Variants in MYO5A observed in about 807,000 individuals in gnomAD.
The protein encoded by MYO5A is myosin VA, also known as unconventional myosin-Va.
A neutral mutation model predicts 249.7 loss-of-function variants in MYO5A; 98 were observed. That is an observed-to-expected ratio of 0.39 (90% CI 0.33 to 0.46). MYO5A has a LOEUF of 0.46. Among genes scored for constraint, MYO5A ranks in the 20% least tolerant of loss-of-function variants. MYO5A has a pLI of 0.98. For missense variants in MYO5A, 1,696 were observed against 2,308.8 expected, an observed-to-expected ratio of 0.73 and a Z score of 5.44; for synonymous variants, 778 against 810.6, an observed-to-expected ratio of 0.96 and a Z score of 0.68.
At position 52,497,931 on chromosome 15, in the gene MYO5A, C is replaced by G. The variant is rs1231527931; in HGVS notation, c.27+30849G>C. On this transcript the variant is annotated intron_variant, in intron 1 of 41. Transcript: ENST00000399233. ...TAATAAAAATTCAACATATCAAAAC[C>G]TGAGGAATATAGCCAAAGTGTTGCT... 2.0e-5 allele frequency among the ~76,000 whole-genome samples: 3 copies of G among 151,440 alleles called. No individual in the cohort carries two copies. In the East Asian group the frequency reaches 5.8e-4, roughly 29 times the overall value.
intron 40 of MYO5A, among the ~76,000 whole-genome samples, chr15:52,316,195 C>T (rs892122431): frequency 7.7e-6 from 1 of 130,004 alleles, no homozygotes. Flanking sequence ...GATCATACCA[C>T]TGCACTCCAA....
chr15:52,431,030 G>C (rs1348325588), intron 2 of MYO5A, among the ~76,000 whole-genome samples: 2 of 150,420 alleles, frequency 1.3e-5, no homozygotes, highest in Admixed American at 6.6e-5. Context: ...TTGGGAGTTT[G>C]AGACCCGCCT....
chr15:52,353,791 C>A (rs940793373), intron 26 of MYO5A, 80 bp downstream of exon 26: 1 of 1,607,028 alleles, frequency 6.2e-7, no homozygotes, highest in African/African-American at 1.3e-5. Context: ...ATAGGCTGGG[C>A]TGAGTCTCCA....
rs2141235104 is a variant in MYO5A, at chr15:52,410,326, A to G, written c.756+7T>C. 1 of 1,612,976 alleles carries G rather than the reference A, an allele frequency of 6.2e-7. No individual in the cohort carries two copies. Among genetic ancestry groups the G allele is most frequent in the Non-Finnish European group, 8.5e-7 (1 of 1,179,188 alleles). The stretch of plus-strand genomic sequence containing the variant: ...CACAAGTGCATATGTGTATATGGCC[A>G]GCTTACCTGGAATACCACTCTGGAT... On this transcript the variant is annotated splice_region_variant and intron_variant, in intron 6 of 41. Coordinates refer to ENST00000399233, the MANE Select transcript of MYO5A (RefSeq NM_001382347.1).
intron 34 of MYO5A, among the ~76,000 whole-genome samples, chr15:52,331,165 T>C (rs1204147441): frequency 1.3e-5 from 2 of 152,224 alleles, no homozygotes; most frequent in Admixed American, 6.5e-5. Flanking sequence ...ACTATCTCTA[T>C]GTAGTATGAT....
chr15:52,415,685 C>T (rs2043449073), intron 5 of MYO5A, among the ~76,000 whole-genome samples: 1 of 152,100 alleles, frequency 6.6e-6, no homozygotes, highest in Non-Finnish European at 1.5e-5. Context: ...GGACTAAGTA[C>T]AGAAAATGAA....
intron 1 of MYO5A, among the ~76,000 whole-genome samples, chr15:52,494,307 G>A (rs1173533447): frequency 6.6e-6 from 1 of 152,048 alleles, no homozygotes; most frequent in Non-Finnish European, 1.5e-5. Context: ...TTCTGGCTGG[G>A]GACCAGAACA....
intron 1 of MYO5A, among the ~76,000 whole-genome samples, chr15:52,468,487 G>A (rs922867090): frequency 4.6e-5 from 7 of 151,856 alleles, no homozygotes; most frequent in South Asian, 2.1e-4. Flanking sequence ...GTGAGACCCC[G>A]TCTCTACAAA....
chr15:52,508,834 T>C (rs981889699), intron 1 of MYO5A, among the ~76,000 whole-genome samples: 1 of 152,220 alleles, frequency 6.6e-6, no homozygotes, highest in African/African-American at 2.4e-5. Flanking sequence ...ATACATAAGA[T>C]CCTTGCATAT....
At chr15:52,351,183 T>G in intron 28 of MYO5A, 71 bp downstream of exon 28, 1 of 1,170,814 alleles carries the variant, frequency 8.5e-7, no homozygotes, top group East Asian at 2.4e-5. Context: ...CATTATAAAC[T>G]GGAGGGAAGG....
At chr15:52,483,012 G>A (rs2076746179) in intron 1 of MYO5A, among the ~76,000 whole-genome samples, 1 of 152,318 alleles carries the variant, frequency 6.6e-6, no homozygotes, top group South Asian at 2.1e-4. Context: ...GAAGAGCTAA[G>A]TCACATAGAG....
chr15:52,493,881 T>C (rs987906469), intron 1 of MYO5A, among the ~76,000 whole-genome samples: 1 of 152,148 alleles, frequency 6.6e-6, no homozygotes, highest in African/African-American at 2.4e-5. Context: ...TATCTGAAAC[T>C]ATAATCTGTA....
At chr15:52,460,685 A>G (rs1384020986) in intron 1 of MYO5A, among the ~76,000 whole-genome samples, 1 of 146,622 alleles carries the variant, frequency 6.8e-6, no homozygotes, top group Non-Finnish European at 1.5e-5. Context: ...GCGAGGCTCC[A>G]GAAATTTTTT....
intron 1 of MYO5A, among the ~76,000 whole-genome samples, chr15:52,525,039 C>T (rs1222795065): frequency 6.6e-6 from 1 of 152,006 alleles, no homozygotes; most frequent in African/African-American, 2.4e-5. Context: ...ATTGATAAAC[C>T]CTACTCCACA....
intron 40 of MYO5A, among the ~76,000 whole-genome samples, chr15:52,316,253 A>G (rs1010604867): frequency 1.3e-5 from 2 of 151,328 alleles, no homozygotes; most frequent in Non-Finnish European, 2.9e-5. Context: ...AAAAAAAAAA[A>G]AAAAAGAAAG....
At position 52,390,568 on chromosome 15, in the gene MYO5A, T is replaced by C. The variant is rs1046135215; in HGVS notation, c.1543-1205A>G. On this transcript the variant is annotated intron_variant, in intron 12 of 41. Coordinates refer to ENST00000399233, the MANE Select transcript of MYO5A (RefSeq NM_001382347.1). ...CCTCTCTTTTTTTTTTTCTTTTTTT[T>C]TTTTTTTTGAGACAGGGTTTCACTC... 4.0e-5 allele frequency among the ~76,000 whole-genome samples: 6 copies of C among 150,180 alleles called. No individual in the cohort carries two copies. In the South Asian group the frequency reaches 6.3e-4, roughly 16 times the overall value.
chr15:52,474,671 G>A (rs1240237805), intron 1 of MYO5A, among the ~76,000 whole-genome samples: 2 of 152,162 alleles, frequency 1.3e-5, no homozygotes, highest in Non-Finnish European at 2.9e-5. Flanking sequence ...CTTTGGTTCT[G>A]TTTTTATGAT....
intron 1 of MYO5A, among the ~76,000 whole-genome samples, chr15:52,506,896 T>A (rs2077283630): frequency 6.6e-6 from 1 of 152,254 alleles, no homozygotes; most frequent in African/African-American, 2.4e-5. Flanking sequence ...TGTTAACTTT[T>A]CATTCTGAGG....
intron 25 of MYO5A, among the ~76,000 whole-genome samples, chr15:52,359,515 A>C (rs1370586918): frequency 6.6e-6 from 1 of 152,202 alleles, no homozygotes; most frequent in Non-Finnish European, 1.5e-5. Flanking sequence ...CAGTTTTGCT[A>C]AACTCTGGGG....
Sources: gnomAD v4.1 joint callset for allele counts (sites outside exome capture counted in the v4.1 genomes callset) on GRCh38, gnomAD v4.1.1 for gene constraint, MANE v1.5 for transcripts, NCBI Gene and HGNC (gene_info 2026-07-23, HGNC 2026-07-21) for gene names.